Variants in SENP7 observed in about 807,000 individuals in gnomAD.
The protein encoded by SENP7 is sentrin-specific protease 7.
A neutral mutation model predicts 141.2 loss-of-function variants in SENP7; 64 were observed. That is an observed-to-expected ratio of 0.45 (90% CI 0.37 to 0.56). The LOEUF (loss-of-function observed/expected upper bound fraction) is 0.56, where lower values mean the gene tolerates loss of function less well. Ranked by LOEUF, SENP7 falls within the 20% of genes least tolerant of loss-of-function variation. SENP7 has a pLI of 0.00. For synonymous variants in SENP7, 382 were observed against 426.4 expected (o/e 0.90, Z 1.28); for missense variants, 1,025 against 1,212.2 (o/e 0.85, Z 2.29).
At chr3:101,395,577 T>A (rs2060944145) in intron 6 of SENP7, among the ~76,000 whole-genome samples, 1 of 152,146 alleles carries the variant, frequency 6.6e-6, no homozygotes, top group South Asian at 2.1e-4. Context: ...ATGCCTCCAG[T>A]TTTATTCTTT....
intron 3 of SENP7, among the ~76,000 whole-genome samples, chr3:101,489,902 A>G (rs1229442035): frequency 6.6e-6 from 1 of 152,212 alleles, no homozygotes; most frequent in Non-Finnish European, 1.5e-5. Flanking sequence ...AACCAAGCCC[A>G]GGCCGGGCAC....
chr3:101,354,755 G>A (rs1298275947), intron 11 of SENP7, among the ~76,000 whole-genome samples: 2 of 152,140 alleles, frequency 1.3e-5, no homozygotes, highest in South Asian at 2.1e-4. Flanking sequence ...TATAATACCA[G>A]TAATGGGATT....
At chr3:101,362,499 T>C (rs1028115291) in intron 10 of SENP7, among the ~76,000 whole-genome samples, 3 of 152,182 alleles carry the variant, frequency 2.0e-5, no homozygotes, top group African/African-American at 7.2e-5. Context: ...TCAGGGGGCA[T>C]ATGTGCAGAT....
chr3:101,362,395 T>C lies in SENP7; in HGVS notation c.1477-534A>G, dbSNP rs1188136916. 2.0e-5 allele frequency among the ~76,000 whole-genome samples: 3 copies of C among 152,306 alleles called. No homozygotes were observed. The East Asian group carries it at 5.8e-4, about 29-fold the overall frequency. On this transcript the variant is annotated intron_variant, in intron 10 of 23. Coordinates refer to ENST00000394095, the MANE Select transcript of SENP7 (RefSeq NM_020654.5). ...AAAGATTCAAATGCACGTTTCTCTC[T>C]CCAGGTCCAGTGTCACTTCAACCAC...
intron 7 of SENP7, among the ~76,000 whole-genome samples, chr3:101,371,798 T>G (rs1007889264): frequency 1.3e-5 from 2 of 152,140 alleles, no homozygotes; most frequent in Admixed American, 1.3e-4. Context: ...ATATTAAAAT[T>G]TAACTTTTGG....
chr3:101,423,120 C>T (rs1206268051), intron 4 of SENP7, among the ~76,000 whole-genome samples: 1 of 151,840 alleles, frequency 6.6e-6, no homozygotes, highest in Admixed American at 6.6e-5. Flanking sequence ...ATGGACAAAA[C>T]ATTTGGACAC....
chr3:101,470,150 C>T (rs1447802150), intron 3 of SENP7, among the ~76,000 whole-genome samples: 2 of 152,098 alleles, frequency 1.3e-5, no homozygotes, highest in Non-Finnish European at 2.9e-5. Context: ...GACACACTAA[C>T]ATCACAATTA....
chr3:101,423,376 G>A (rs562591896), intron 4 of SENP7, among the ~76,000 whole-genome samples: 1 of 152,142 alleles, frequency 6.6e-6, no homozygotes, highest in South Asian at 2.1e-4. Flanking sequence ...CATTAGAAAG[G>A]GTGATAATAA....
chr3:101,477,710 G>A (rs559446146), intron 3 of SENP7, among the ~76,000 whole-genome samples: 3 of 152,136 alleles, frequency 2.0e-5, no homozygotes, highest in East Asian at 1.9e-4. Flanking sequence ...AATTAGCTGA[G>A]TGTGGTGGTG....
intron 11 of SENP7, 96 bp from the exon 12 acceptor site, chr3:101,351,747 C>T: frequency 5.3e-6 from 5 of 945,712 alleles, no homozygotes; most frequent in Non-Finnish European, 5.6e-6. Flanking sequence ...TATTCAAAGT[C>T]TACATTATAA....
At chr3:101,356,016 C>T (rs546336008) in intron 11 of SENP7, among the ~76,000 whole-genome samples, 1 of 150,944 alleles carries the variant, frequency 6.6e-6, no homozygotes, top group East Asian at 2.0e-4. Context: ...GGCTTTGTTG[C>T]TGTTGGTGTA....
intron 17 of SENP7, among the ~76,000 whole-genome samples, chr3:101,334,913 A>G (rs762111516): frequency 1.9e-4 from 29 of 152,178 alleles, no homozygotes; most frequent in Admixed American, 4.6e-4. Context: ...CTAAATGTCT[A>G]ACAGTTCTCT....
intron 6 of SENP7, among the ~76,000 whole-genome samples, chr3:101,376,048 T>C (rs1367551430): frequency 1.3e-5 from 2 of 152,182 alleles, no homozygotes; most frequent in African/African-American, 4.8e-5. Flanking sequence ...TGCACAACAA[T>C]ATGGATGAAC....
intron 3 of SENP7, among the ~76,000 whole-genome samples, chr3:101,466,967 A>T (rs951574164): frequency 2.0e-5 from 3 of 152,134 alleles, no homozygotes; most frequent in African/African-American, 7.2e-5. Context: ...GAAAAATGGG[A>T]CAGTCCCGCC....
intron 4 of SENP7, among the ~76,000 whole-genome samples, chr3:101,428,597 G>A (rs1328496429): frequency 6.6e-6 from 1 of 152,102 alleles, no homozygotes; most frequent in Admixed American, 6.5e-5. Context: ...CTGGATATTA[G>A]CCCTTTGTCA....
At chr3:101,327,116 A>G (rs1404711295) in intron 23 of SENP7, among the ~76,000 whole-genome samples, 2 of 151,802 alleles carry the variant, frequency 1.3e-5, no homozygotes, top group East Asian at 3.9e-4. Flanking sequence ...AAATCATTTT[A>G]AAGTTCTTAT....
At position 101,341,791 on chromosome 3, in the gene SENP7, T is replaced by G. The variant is rs1457724024; in HGVS notation, c.2107-12A>C. On this transcript the variant is annotated splice_polypyrimidine_tract_variant and intron_variant, in intron 14 of 23. Transcript: ENST00000394095. ...TCTGTGTTTGAGGGCTGACAGAAAG[T>G]GGCAAGAAAAAGGGTCTCAAACATC... is the stretch of plus-strand genomic sequence containing the variant. 1 of 1,572,892 alleles carries G rather than the reference T, an allele frequency of 6.4e-7. No homozygotes were observed. Among genetic ancestry groups the G allele is most frequent in the Non-Finnish European group, 8.7e-7 (1 of 1,150,382 alleles).
chr3:101,445,742 A>G (rs1261977246), intron 4 of SENP7, among the ~76,000 whole-genome samples: 1 of 152,240 alleles, frequency 6.6e-6, no homozygotes, highest in African/African-American at 2.4e-5. Flanking sequence ...GTAGCTATAC[A>G]CACTTATGTC....
chr3:101,360,283 T>C (rs2107338556), intron 11 of SENP7, among the ~76,000 whole-genome samples: 1 of 152,316 alleles, frequency 6.6e-6, no homozygotes, highest in South Asian at 2.1e-4. Flanking sequence ...GGTCTTTGTC[T>C]GCATGGGTAC....
Sources: allele counts gnomAD v4.1 joint callset (sites outside exome capture counted in the v4.1 genomes callset), GRCh38; gene constraint gnomAD v4.1.1; transcripts MANE v1.5; gene names NCBI Gene and HGNC (gene_info 2026-07-23, HGNC 2026-07-21).